CASD1: variants seen among roughly 807,000 people sequenced by gnomAD.
CASD1 encodes N-acetylneuraminate (7)9-O-acetyltransferase.
A neutral mutation model predicts 100.0 loss-of-function variants in CASD1; 41 were observed. The observed-to-expected ratio is 0.41, with a 90% CI of 0.32 to 0.53. The LOEUF (loss-of-function observed/expected upper bound fraction) is 0.53, where lower values mean the gene tolerates loss of function less well. Ranked by LOEUF, CASD1 falls within the 20% of genes least tolerant of loss-of-function variation. The pLI is 0.25. For missense variants in CASD1, 774 were observed against 948.7 expected (o/e 0.82, Z 2.42); for synonymous variants, 321 against 315.6 (o/e 1.02, Z -0.18).
At chr7:94,510,450 C>T (rs933933520) in intron 1 of CASD1, among the ~76,000 whole-genome samples, 2 of 151,998 alleles carry the variant, frequency 1.3e-5, no homozygotes, top group Non-Finnish European at 2.9e-5. Context: ...CGCCCCGAGC[C>T]GCCCGCGCTG....
chr7:94,554,431 A>G, intron 16 of CASD1, 52 bp from the exon 17 acceptor site: 1 of 1,205,784 alleles, frequency 8.3e-7, no homozygotes, highest in Non-Finnish European at 1.2e-6. Context: ...TTTATACAAA[A>G]TACTTTTCAA....
chr7:94,548,931 T>A (rs1414834081), intron 13 of CASD1, among the ~76,000 whole-genome samples: 1 of 151,990 alleles, frequency 6.6e-6, no homozygotes, highest in Non-Finnish European at 1.5e-5. Context: ...ATTCACTAAC[T>A]TTATCAGAGT....
chr7:94,554,573 G>C lies in CASD1; in HGVS notation c.2125G>C (p.Glu709Gln), dbSNP rs779543919. 1.9e-6 allele frequency: 3 copies of C among 1,596,144 alleles called. No individual in the cohort carries two copies. The South Asian group carries it at 3.3e-5, about 18-fold the overall frequency. Reference sequence around the variant, plus strand: ...TGCTTGGTTTGGAAAAATTTCATTAGAGGTTGGTACATTAATATTTTGCTT... The same window carrying C: ...TGCTTGGTTTGGAAAAATTTCATTACAGGTTGGTACATTAATATTTTGCTT... ...FFAWFGKISL[E>Q]LFICQYHIWL... is the part of the protein sequence containing the mutation. Residue 709 changes from glutamate (E) to glutamine (Q), a missense_variant and splice_region_variant, in exon 17 of 18, where the codon GAG (glutamate) becomes CAG (glutamine). Glu to Gln is a conservative substitution (Grantham distance 29). Around this residue, in one of 5 missense-constraint regions of CASD1, gnomAD observed 175 missense variants for 206.9 expected, o/e 0.85. Coordinates refer to ENST00000297273, the MANE Select transcript of CASD1 (RefSeq NM_022900.5).
chr7:94,540,913 T>C (rs561281958), intron 10 of CASD1, among the ~76,000 whole-genome samples: 1 of 152,108 alleles, frequency 6.6e-6, no homozygotes, highest in Non-Finnish European at 1.5e-5. Flanking sequence ...TAATGGCAGA[T>C]TAAGTTCCTC....
intron 10 of CASD1, among the ~76,000 whole-genome samples, chr7:94,540,902 T>A (rs1795360086): frequency 6.6e-6 from 1 of 152,078 alleles, no homozygotes; most frequent in African/African-American, 2.4e-5. Context: ...GTAGAAAGAA[T>A]TAATGGCAGA....
chr7:94,587,321 A>T, the CASD1 span: 21 of 1,000,072 alleles, frequency 2.1e-5, no homozygotes, highest in Middle Eastern at 5.0e-4. Flanking sequence ...GTGGGTAAGT[A>T]AGTAAAATCT....
In CASD1 at chr7:94,533,171, T is replaced by A. The variant is rs115465203; in HGVS notation, c.460-34T>A. 5.8e-4 allele frequency: 904 copies of A among 1,550,348 alleles called. 4 individuals carry two copies. In the African/African-American group the frequency reaches 0.011, roughly 19 times the overall value. On this transcript the variant is annotated intron_variant, in intron 5 of 17. Coordinates refer to ENST00000297273, the MANE Select transcript of CASD1 (RefSeq NM_022900.5). The stretch of plus-strand genomic sequence containing the variant: ...ACTTGTAGTAATTCCCTGAACTGAT[T>A]ATAATACTATGATAAAGATTTGTCT...
the CASD1 span, chr7:94,599,599 C>G: frequency 3.2e-6 from 3 of 933,438 alleles, no homozygotes; most frequent in South Asian, 1.4e-5. Flanking sequence ...TGAAAGATGA[C>G]AAATGAAAAA....
intron 1 of CASD1, among the ~76,000 whole-genome samples, chr7:94,514,584 TTTG>T (rs1026363569): frequency 2.3e-4 from 35 of 152,086 alleles, no homozygotes; most frequent in African/African-American, 7.7e-4. Flanking sequence ...TATTTTTCAG[TTTG>T]TTTTTGTTTG....
intron 17 of CASD1, 87 bp downstream of exon 17, chr7:94,554,662 A>G: frequency 2.7e-6 from 2 of 732,192 alleles, no homozygotes; most frequent in South Asian, 2.1e-5. Flanking sequence ...TATCACACAT[A>G]TATGTGAGTA....
the CASD1 span, chr7:94,624,081 C>T: frequency 5.1e-6 from 2 of 392,766 alleles, no homozygotes; most frequent in East Asian, 7.2e-5. Context: ...CAAAGGCCAA[C>T]AACAGGATAT....
chr7:94,585,368 A>G, the CASD1 span: 10 of 772,044 alleles, frequency 1.3e-5, no homozygotes, highest in Non-Finnish European at 2.3e-5. Context: ...ATTATTTGGT[A>G]TACACTTAAT....
intron 1 of CASD1, among the ~76,000 whole-genome samples, chr7:94,517,277 A>C (rs1794027007): frequency 6.6e-6 from 1 of 152,174 alleles, no homozygotes; most frequent in African/African-American, 2.4e-5. Flanking sequence ...AGGTTGAGAT[A>C]ATGTCCCCGG....
At chr7:94,528,859 A>G (rs1334415782) in intron 5 of CASD1, among the ~76,000 whole-genome samples, 1 of 152,124 alleles carries the variant, frequency 6.6e-6, no homozygotes, top group East Asian at 1.9e-4. Flanking sequence ...TCTTTCCCAG[A>G]GACATTTGTA....
At chr7:94,631,179 T>C in the CASD1 span, among the ~76,000 whole-genome samples, 13 of 152,098 alleles carry the variant, frequency 8.5e-5, no homozygotes, top group Admixed American at 7.2e-4. Context: ...TCTTCCCCTG[T>C]GGCATTTACA....
chr7:94,612,637 T>C, the CASD1 span, among the ~76,000 whole-genome samples: 1 of 152,222 alleles, frequency 6.6e-6, no homozygotes, highest in Non-Finnish European at 1.5e-5. Flanking sequence ...TTAATGTGAC[T>C]ATCCTAAAAG....
intron 13 of CASD1, among the ~76,000 whole-genome samples, chr7:94,547,489 T>G (rs1371446408): frequency 4.6e-5 from 7 of 151,930 alleles, no homozygotes; most frequent in Admixed American, 6.6e-5. Context: ...GAGATCAAAA[T>G]TTTCTTGACA....
At chr7:94,550,076 C>T (rs9641137) in intron 14 of CASD1, among the ~76,000 whole-genome samples, 1 of 151,736 alleles carries the variant, frequency 6.6e-6, no homozygotes, top group African/African-American at 2.4e-5. Flanking sequence ...TTATAAGAGG[C>T]TACTAACTAT....
chr7:94,588,609 ATAAAT>A, the CASD1 span: 1 of 1,554,734 alleles, frequency 6.4e-7, no homozygotes, highest in Non-Finnish European at 8.8e-7. Context: ...ATAAAGCTTC[ATAAAT>A]TATATAGTGC....
Sources: gnomAD v4.1 joint callset for allele counts (sites outside exome capture counted in the v4.1 genomes callset) on GRCh38, gnomAD v4.1.1 for gene constraint, gnomAD v4.1.1 regional missense constraint, MANE v1.5 for transcripts, NCBI Gene and HGNC (gene_info 2026-07-23, HGNC 2026-07-21) for gene names.